POLR1H: variants seen among roughly 807,000 people sequenced by gnomAD.
POLR1H encodes the protein DNA-directed RNA polymerase I subunit RPA12.
In POLR1H, 5 loss-of-function variants were observed where a neutral mutation model predicts 15.8. The observed-to-expected ratio is 0.32, with a 90% CI of 0.17 to 0.67. The LOEUF (loss-of-function observed/expected upper bound fraction) is 0.67. Ranked by LOEUF, POLR1H falls within the 30% of genes least tolerant of loss-of-function variation. The pLI is 0.74. For missense variants in POLR1H, 100 were observed against 163.4 expected (o/e 0.61, Z 2.11); for synonymous variants, 43 against 58.3 (o/e 0.74, Z 1.20).
chr6:30,061,985 G>A lies in POLR1H; in HGVS notation c.214G>A (p.Val72Met), dbSNP rs1448771551. Reference protein sequence around the residue: ...HQLGTAMPMSVEEGPECQGPV... With the variant: ...HQLGTAMPMSMEEGPECQGPV... ...ACTGGGGACAGCCATGCCTATGTCG[G>A]TGGAGGAAGGGCCTGAGTGCCAGGG... The change falls in exon 2 of 4, where the codon GTG becomes ATG. Residue 72 changes from valine (V) to methionine (M), a missense_variant. Physicochemically the swap from Val to Met is conservative, Grantham distance 21. This residue lies in a region of POLR1H where 87 missense variants were observed against 119.8 expected (regional missense o/e 0.73). Coordinates refer to ENST00000332435, the MANE Select transcript of POLR1H (RefSeq NM_170783.4). The surrounding 1 kb of genome is among the most constrained non-coding windows in gnomAD (Gnocchi z 5.0). The A allele has an allele frequency of 6.2e-7, 1 of 1,613,132 alleles. No individual in the cohort carries two copies. Among genetic ancestry groups the A allele is most frequent in the Non-Finnish European group, 8.5e-7 (1 of 1,180,034 alleles).
At chr6:30,064,342 G>C (rs181298989) in intron 3 of POLR1H, among the ~76,000 whole-genome samples, 1 of 149,592 alleles carries the variant, frequency 6.7e-6, no homozygotes, top group East Asian at 1.9e-4. Flanking sequence ...TTTTCCCAGC[G>C]TGTGGCTTGC....
rs1174435715 is a variant in POLR1H at position 30,061,495 on chromosome 6, A to C, written c.-30A>C. 2 of 1,609,962 alleles carry C rather than the reference A, an allele frequency of 1.2e-6. No homozygotes were observed. The highest frequency in any genetic ancestry group is 4.5e-5 in the East Asian group (2 of 44,802). ...GAACTCTTCTCTCTTTTGTTAATAA[A>C]CTTCCAACTCCCTCCTCAGACCCGA... On this transcript the variant is annotated 5_prime_UTR_variant, in exon 1 of 4. Transcript: ENST00000332435. The surrounding 1 kb of genome is among the most constrained non-coding windows in gnomAD (Gnocchi z 5.0).
In POLR1H at chr6:30,064,853, T is replaced by C; in HGVS notation, c.*156T>C. The C allele has an allele frequency of 2.0e-6, 1 of 502,392 alleles. No homozygotes were observed. The allele number at this position is 502,392 out of a possible 1,614,324, so 31.1% of individuals were successfully genotyped here. A position where few individuals can be genotyped will look rare whatever the true frequency, so the allele number is the denominator to read the frequency against. Reference sequence around the variant, plus strand: ...GGGATTACCATTGTTCCTGGAGTACTCCTACCCTTAGTTGAATTTCCTTAT... The same window carrying C: ...GGGATTACCATTGTTCCTGGAGTACCCCTACCCTTAGTTGAATTTCCTTAT... On this transcript the variant is annotated 3_prime_UTR_variant, in exon 4 of 4. Coordinates refer to ENST00000332435, the MANE Select transcript of POLR1H (RefSeq NM_170783.4).
At position 30,061,729 on chromosome 6, in the gene POLR1H, T is replaced by C; in HGVS notation, c.145+60T>C. On this transcript the variant is annotated intron_variant, in intron 1 of 3. Transcript: ENST00000332435. This position sits in a 1 kb window ranked among gnomAD's most constrained non-coding sequence, Gnocchi z 5.0. ...GCGCAGGGTCGGAAGCTTGGGGAAC[T>C]CAAGATCGGTTGGGTTGAGGAGGGG... is the stretch of plus-strand genomic sequence containing the variant. 6.2e-7 allele frequency: 1 copy of C among 1,606,490 alleles called. No homozygotes were observed. The highest frequency in any genetic ancestry group is 8.5e-7 in the Non-Finnish European group (1 of 1,175,484).
In POLR1H at chr6:30,061,517, C is replaced by T. The variant is rs1425667961; in HGVS notation, c.-8C>T. 1 of 1,612,838 alleles carries T rather than the reference C, an allele frequency of 6.2e-7. No homozygotes were observed. The highest frequency in any genetic ancestry group is 1.3e-5 in the African/African-American group (1 of 74,940). On this transcript the variant is annotated 5_prime_UTR_variant, in exon 1 of 4. Transcript: ENST00000332435. This position sits in a 1 kb window ranked among gnomAD's most constrained non-coding sequence, Gnocchi z 5.0. ...TAAACTTCCAACTCCCTCCTCAGAC[C>T]CGACCGCATGTCTGTCATGGACCTC...
At chr6:30,060,376 T>C (rs544217759), upstream of POLR1H, 5 of 152,266 alleles carry the variant, frequency 3.3e-5, no homozygotes, top group South Asian at 2.1e-4. Flanking sequence ...TTAATGAAAA[T>C]AGAAAGATTT....
In POLR1H at chr6:30,061,608, T is replaced by G. The variant is rs1765070717; in HGVS notation, c.84T>G (p.Pro28=). 6.2e-7 allele frequency: 1 copy of G among 1,613,090 alleles called. No individual in the cohort carries two copies. The change falls in exon 1 of 4, where the codon CCT becomes CCG. Residue 28 remains proline (P), a synonymous_variant. Coordinates refer to ENST00000332435, the MANE Select transcript of POLR1H (RefSeq NM_170783.4). The surrounding 1 kb of genome is among the most constrained non-coding windows in gnomAD (Gnocchi z 5.0). ...DFCSDCGSVL[P]LPGAQDTVTC... ...GTTCAGATTGCGGCTCGGTCCTGCC[T>G]CTGCCCGGGGCTCAGGATACGGTCA... is the stretch of plus-strand genomic sequence containing the variant.
chr6:30,062,418 T>C, intron 3 of POLR1H, 85 bp downstream of exon 3: 1 of 877,272 alleles, frequency 1.1e-6, no homozygotes, highest in Non-Finnish European at 1.9e-6. Context: ...GAAATGGCCG[T>C]TTCCCTTGGT....
chr6:30,061,422 T>G lies in POLR1H; in HGVS notation c.-103T>G. On this transcript the variant is annotated 5_prime_UTR_variant, in exon 1 of 4. Transcript: ENST00000332435. The surrounding 1 kb of genome is among the most constrained non-coding windows in gnomAD (Gnocchi z 5.0). Reference sequence around the variant, plus strand: ...GCGTGCGTGGCAGGAGGGTTCGGGTTATATACTCCTAGGTCCTGGGACAGA... The same window carrying G: ...GCGTGCGTGGCAGGAGGGTTCGGGTGATATACTCCTAGGTCCTGGGACAGA... 2 of 1,381,472 alleles carry G rather than the reference T, an allele frequency of 1.4e-6. No homozygotes were observed. The highest frequency in any genetic ancestry group is 2.0e-6 in the Non-Finnish European group (2 of 1,004,658). The allele number at this position is 1,381,472 out of a possible 1,614,324, so 85.6% of individuals were successfully genotyped here.
rs778222766 is a variant in POLR1H, at chr6:30,064,710, G to A, written c.*13G>A. 133 of 1,608,476 alleles carry A rather than the reference G, an allele frequency of 8.3e-5. No homozygotes were observed. Among genetic ancestry groups the A allele is most frequent in the Non-Finnish European group, 9.4e-5 (111 of 1,178,298 alleles). ...GGAAGACTCTTGACCTTTTTCCTGG[G>A]CAACTCTACAGTCCCTCCCTCCTTT... On this transcript the variant is annotated 3_prime_UTR_variant, in exon 4 of 4. Coordinates refer to ENST00000332435, the MANE Select transcript of POLR1H (RefSeq NM_170783.4).
intron 3 of POLR1H, among the ~76,000 whole-genome samples, chr6:30,062,714 CTTTTTTTTTTTT>C (rs9278555): frequency 2.4e-4 from 10 of 42,390 alleles, no homozygotes; most frequent in South Asian, 1.3e-3. Flanking sequence ...CCACGCCTGG[CTTTTTTTTTTTT>C]TTTTTTTTTT....
chr6:30,061,205 T>C, upstream of POLR1H: 1 of 297,330 alleles, frequency 3.4e-6, no homozygotes, highest in Non-Finnish European at 6.2e-6. This position sits in a 1 kb window ranked among gnomAD's most constrained non-coding sequence, Gnocchi z 5.0. Context: ...TCACAGCCAA[T>C]CGTCAACGCG....
Position 30,064,605 on chromosome 6 carries a change from ATATCT to A in POLR1H, c.357-59_357-55del, listed in dbSNP as rs1455919816. ...AGTCCTTCCTTGATTATTTGATTGC[ATATCT>A]TATCTTATACTACTAGAAACTCATC... is the stretch of plus-strand genomic sequence containing the variant. On this transcript the variant is annotated intron_variant, in intron 3 of 3. Transcript: ENST00000332435. 183 of 1,425,248 alleles carry A rather than the reference ATATCT, an allele frequency of 1.3e-4. 2 individuals are homozygous for A. The highest frequency in any genetic ancestry group is 1.6e-4 in the Non-Finnish European group (168 of 1,033,910). The allele number at this position is 1,425,248 out of a possible 1,614,324, so 88.3% of individuals were successfully genotyped here. A position where few individuals can be genotyped will look rare whatever the true frequency, so the allele number is the denominator to read the frequency against.
At position 30,061,754 on chromosome 6, in the gene POLR1H, G is replaced by T. The variant is rs1022239581; in HGVS notation, c.145+85G>T. 4 of 1,591,636 alleles carry T rather than the reference G, an allele frequency of 2.5e-6. No homozygotes were observed. The highest frequency in any genetic ancestry group is 2.6e-6 in the Non-Finnish European group (3 of 1,165,104). On this transcript the variant is annotated intron_variant, in intron 1 of 3. Transcript: ENST00000332435. This position sits in a 1 kb window ranked among gnomAD's most constrained non-coding sequence, Gnocchi z 5.0. ...TCAAGATCGGTTGGGTTGAGGAGGG[G>T]ATCCTAGAGCAGGACATCAGGCGGT...
intron 3 of POLR1H, among the ~76,000 whole-genome samples, chr6:30,062,693 G>A (rs746362792): frequency 4.7e-5 from 6 of 126,708 alleles, no homozygotes; most frequent in African/African-American, 1.8e-4. Context: ...TGGGACCACA[G>A]ACACATGCCA....
intron 3 of POLR1H, among the ~76,000 whole-genome samples, chr6:30,062,599 G>A (rs946427683): frequency 7.9e-6 from 1 of 126,072 alleles, no homozygotes; most frequent in African/African-American, 3.0e-5. Flanking sequence ...CACCTAGCCT[G>A]GAGTGCAGCG....
upstream of POLR1H, chr6:30,061,154 C>T (rs1233956587): frequency 5.0e-6 from 1 of 198,602 alleles, no homozygotes; most frequent in Non-Finnish European, 1.0e-5. This position sits in a 1 kb window ranked among gnomAD's most constrained non-coding sequence, Gnocchi z 5.0. Flanking sequence ...TAGTCTCCAT[C>T]TCTAACGCTC....
At position 30,061,523 on chromosome 6, in the gene POLR1H, GCATGTCTGT is replaced by G. The variant is rs780972662; in HGVS notation, c.4_12del (p.SerValMet2_?4). 1.9e-6 allele frequency: 3 copies of G among 1,612,902 alleles called. No homozygotes were observed. The South Asian group carries it at 3.3e-5, about 18-fold the overall frequency. On this transcript the variant is annotated start_lost and 5_prime_UTR_variant, in exon 1 of 4. Transcript: ENST00000332435. The surrounding 1 kb of genome is among the most constrained non-coding windows in gnomAD (Gnocchi z 5.0). ...TCCAACTCCCTCCTCAGACCCGACC[GCATGTCTGT>G]CATGGACCTCGCCAATACTTGCTCC...
chr6:30,061,760 A>G lies in POLR1H; in HGVS notation c.145+91A>G. 1 of 1,583,598 alleles carries G rather than the reference A, an allele frequency of 6.3e-7. No individual in the cohort carries two copies. The highest frequency in any genetic ancestry group is 2.2e-5 in the East Asian group (1 of 44,624). ...TCGGTTGGGTTGAGGAGGGGATCCT[A>G]GAGCAGGACATCAGGCGGTTGTACA... On this transcript the variant is annotated intron_variant, in intron 1 of 3. Transcript: ENST00000332435. The surrounding 1 kb of genome is among the most constrained non-coding windows in gnomAD (Gnocchi z 5.0).
Sources: gnomAD v4.1 joint callset for allele counts (sites outside exome capture counted in the v4.1 genomes callset) on GRCh38, gnomAD v4.1.1 for gene constraint, gnomAD v4.1.1 regional missense constraint, Gnocchi (gnomAD v3.1) non-coding constraint, MANE v1.5 for transcripts, NCBI Gene and HGNC (gene_info 2026-07-23, HGNC 2026-07-21) for gene names.